CNTNAP2: variants seen among roughly 807,000 people sequenced by gnomAD.
The protein encoded by CNTNAP2 is contactin associated protein 2.
CNTNAP2 carries 98 observed loss-of-function variants against 155.2 expected under a neutral mutation model. The observed-to-expected ratio is 0.63, with a 90% CI of 0.54 to 0.75. CNTNAP2 has a LOEUF of 0.75. Ranked by LOEUF, CNTNAP2 falls within the 30% of genes least tolerant of loss-of-function variation. The probability of loss-of-function intolerance (pLI) is 0.00; values close to 1 mark genes in which losing one functional copy is unlikely to be tolerated. For synonymous variants in CNTNAP2, 651 were observed against 631.2 expected (o/e 1.03, Z -0.47); for missense variants, 1,727 against 1,688.1 (o/e 1.02, Z -0.40).
chr7:146,817,497 T>C (rs887570824), intron 2 of CNTNAP2, among the ~76,000 whole-genome samples: 5 of 149,926 alleles, frequency 3.3e-5, no homozygotes, highest in African/African-American at 1.2e-4. Context: ...TGAAACTGGG[T>C]AATTTATATA....
intron 15 of CNTNAP2, among the ~76,000 whole-genome samples, chr7:147,985,555 C>T (rs889297227): frequency 1.3e-5 from 2 of 151,848 alleles, no homozygotes; most frequent in Admixed American, 1.3e-4. Context: ...GTGACAAAAA[C>T]TGCTCCCAGT....
intron 8 of CNTNAP2, among the ~76,000 whole-genome samples, chr7:147,220,432 AAT>A (rs1803371773): frequency 6.6e-6 from 1 of 152,174 alleles, no homozygotes; most frequent in South Asian, 2.1e-4. Context: ...TCATTCTGAC[AAT>A]CTCTATCTTT....
At chr7:148,061,970 G>GATAAACAGAT (rs1432730250) in intron 15 of CNTNAP2, among the ~76,000 whole-genome samples, 29 of 126,042 alleles carry the variant, frequency 2.3e-4, no homozygotes, top group Admixed American at 8.1e-4. Flanking sequence ...TAGATAGATA[G>GATAAACAGAT]ATAGATAGAT....
intron 15 of CNTNAP2, among the ~76,000 whole-genome samples, chr7:148,073,766 ATG>A (rs1803424403): frequency 6.6e-6 from 1 of 151,354 alleles, no homozygotes; most frequent in African/African-American, 2.4e-5. Context: ...GTCTTCTTTT[ATG>A]TGTTTTTTTT....
intron 10 of CNTNAP2, among the ~76,000 whole-genome samples, chr7:147,441,544 G>A (rs1797635493): frequency 6.6e-6 from 1 of 152,098 alleles, no homozygotes; most frequent in Admixed American, 6.5e-5. Context: ...TCTGGGCATT[G>A]AGGAATTAGG....
intron 8 of CNTNAP2, among the ~76,000 whole-genome samples, chr7:147,269,784 T>C (rs7790788): frequency 0.66 from 100,001 of 152,086 alleles, 33,288 homozygotes; most frequent in African/African-American, 0.76. Context: ...CTTGTTACAA[T>C]GGCTCATACC....
chr7:147,109,891 A>T (rs1800840605), intron 5 of CNTNAP2, among the ~76,000 whole-genome samples: 1 of 131,150 alleles, frequency 7.6e-6, no homozygotes, highest in South Asian at 2.6e-4. Flanking sequence ...GGTTGTTGTT[A>T]TTTGTATTTA....
intron 1 of CNTNAP2, among the ~76,000 whole-genome samples, chr7:146,749,559 G>T (rs1801867713): frequency 6.6e-6 from 1 of 152,038 alleles, no homozygotes; most frequent in Non-Finnish European, 1.5e-5. Flanking sequence ...GCTGTCTTAG[G>T]CAGCCAAAAA....
chr7:147,056,421 T>A (rs951398404), intron 4 of CNTNAP2, among the ~76,000 whole-genome samples: 1 of 152,048 alleles, frequency 6.6e-6, no homozygotes, highest in African/African-American at 2.4e-5. Context: ...ATAGAAAATA[T>A]AATTATTTCC....
intron 2 of CNTNAP2, among the ~76,000 whole-genome samples, chr7:146,789,712 G>GA (rs1271742700): frequency 1.5e-4 from 22 of 151,274 alleles, no homozygotes; most frequent in African/African-American, 5.1e-4. Context: ...ATTTAAATAA[G>GA]AAAAAACTAC....
At chr7:146,427,694 T>C (rs779808270) in intron 1 of CNTNAP2, among the ~76,000 whole-genome samples, 3 of 152,234 alleles carry the variant, frequency 2.0e-5, no homozygotes, top group Non-Finnish European at 2.9e-5. Context: ...TGTCTATAGC[T>C]ATATATGCTC....
intron 13 of CNTNAP2, among the ~76,000 whole-genome samples, chr7:147,678,684 G>C (rs539153861): frequency 6.6e-6 from 1 of 151,866 alleles, no homozygotes; most frequent in South Asian, 2.1e-4. Flanking sequence ...TAATTTTACT[G>C]TCTTCACAAC....
rs534718315 is a variant in CNTNAP2, at chr7:146,414,532, T to C, written c.97+297559T>C. Among the ~76,000 whole-genome samples, 13 of 152,286 alleles carry C rather than the reference T, an allele frequency of 8.5e-5. No homozygotes were observed. The South Asian group carries it at 1.0e-3, about 12-fold the overall frequency. On this transcript the variant is annotated intron_variant, in intron 1 of 23. Transcript: ENST00000361727. ...TGAGTCAGGGGAGACTATTTCTCCATAGTCCTGGCAGCTGCCTACTGTGTT... is the reference window on the plus strand; with the variant it reads ...TGAGTCAGGGGAGACTATTTCTCCACAGTCCTGGCAGCTGCCTACTGTGTT...
chr7:146,821,628 A>G (rs1445216450), intron 2 of CNTNAP2, among the ~76,000 whole-genome samples: 2 of 152,140 alleles, frequency 1.3e-5, no homozygotes, highest in East Asian at 3.9e-4. Context: ...TTTACAAGAA[A>G]AAAACAAACA....
intron 9 of CNTNAP2, among the ~76,000 whole-genome samples, chr7:147,320,143 C>A (rs1422318270): frequency 6.6e-6 from 1 of 152,136 alleles, no homozygotes; most frequent in Admixed American, 6.6e-5. Context: ...GTTTCTCACT[C>A]TTGGTCAAGA....
chr7:147,976,192 G>T (rs1326560760), intron 14 of CNTNAP2, among the ~76,000 whole-genome samples: 1 of 152,106 alleles, frequency 6.6e-6, no homozygotes, highest in Non-Finnish European at 1.5e-5. Context: ...TGGGTCTCAG[G>T]ACTTAGTTTG....
chr7:146,706,531 A>G (rs541840664), intron 1 of CNTNAP2, among the ~76,000 whole-genome samples: 40 of 152,170 alleles, frequency 2.6e-4, no homozygotes, highest in Admixed American at 2.6e-3. Context: ...AATTATTCCA[A>G]GTGAACAGGC....
intron 2 of CNTNAP2, among the ~76,000 whole-genome samples, chr7:146,837,716 A>G (rs1803645424): frequency 6.6e-6 from 1 of 152,150 alleles, no homozygotes; most frequent in Admixed American, 6.5e-5. Context: ...CCATCAAAAA[A>G]TTAATTTTTG....
chr7:146,558,228 T>A (rs1233187634), intron 1 of CNTNAP2, among the ~76,000 whole-genome samples: 2 of 151,996 alleles, frequency 1.3e-5, no homozygotes, highest in Non-Finnish European at 2.9e-5. Flanking sequence ...TGCTGGGACA[T>A]GTTGTGCACA....
Sources: allele counts gnomAD v4.1 joint callset (sites outside exome capture counted in the v4.1 genomes callset), GRCh38; gene constraint gnomAD v4.1.1; transcripts MANE v1.5; gene names NCBI Gene and HGNC (gene_info 2026-07-23, HGNC 2026-07-21).